The following CSAD variants were observed in gnomAD, a reference collection of about 807,000 sequenced individuals.
The protein encoded by CSAD is P-selectin cytoplasmic tail-associated protein.
Under a neutral mutation model 61.5 loss-of-function variants are expected in CSAD, and 47 were observed. That is an observed-to-expected ratio of 0.76 (90% CI 0.60 to 0.97). CSAD has a LOEUF of 0.97. Among genes scored for constraint, CSAD ranks in the 50% least tolerant of loss-of-function variants. The pLI is 0.00. For missense variants in CSAD, 611 were observed against 643.6 expected (o/e 0.95, Z 0.55); for synonymous variants, 245 against 252.7 (o/e 0.97, Z 0.29).
At position 53,173,724 on chromosome 12, in the gene CSAD, T is replaced by C; in HGVS notation, c.-7+4A>G. 1 of 1,601,880 alleles carries C rather than the reference T, an allele frequency of 6.2e-7. No homozygotes were observed. Among genetic ancestry groups the C allele is most frequent in the Non-Finnish European group, 8.6e-7 (1 of 1,169,318 alleles). On this transcript the variant is annotated splice_donor_region_variant and intron_variant, in intron 3 of 16. Coordinates refer to ENST00000444623, the MANE Select transcript of CSAD (RefSeq NM_001244705.2). ...ATTTCCACCTAAGGCAGAGACAAGC[T>C]TACCTCTCTGCTCAGGAGAGCCGGA...
chr12:53,170,931 G>A (rs1940502116), intron 8 of CSAD: 1 of 389,486 alleles, frequency 2.6e-6, no homozygotes, highest in African/African-American at 2.1e-5. Flanking sequence ...ATGTTTCCCA[G>A]GGTGGTATCA....
At chr12:53,159,585 C>A (rs1367597557) in intron 16 of CSAD, 38 bp downstream of exon 16, 1 of 1,564,038 alleles carries the variant, frequency 6.4e-7, no homozygotes, top group African/African-American at 1.3e-5. Flanking sequence ...GTTGCATCAG[C>A]TCCCTAACGG....
intron 2 of CSAD, among the ~76,000 whole-genome samples, chr12:53,174,493 T>C (rs1940954130): frequency 6.6e-6 from 1 of 151,954 alleles, no homozygotes; most frequent in Admixed American, 6.6e-5. Context: ...AACGGTTCTT[T>C]TTAAACAATA....
In CSAD at chr12:53,173,781, C is replaced by T. The variant is rs1258792207; in HGVS notation, c.-49-11G>A. 2 of 1,613,130 alleles carry T rather than the reference C, an allele frequency of 1.2e-6. No homozygotes were observed. The highest frequency in any genetic ancestry group is 1.7e-6 in the Non-Finnish European group (2 of 1,179,404). ...GTGCACAGGTAGCTCCTCAGGACAG[C>T]AGGACCAAGATGGCAGAGGAAGTGG... On this transcript the variant is annotated splice_polypyrimidine_tract_variant and intron_variant, in intron 2 of 16. Transcript: ENST00000444623.
chr12:53,171,806 C>T (rs1940615365), intron 7 of CSAD, 76 bp downstream of exon 7: 4 of 1,003,106 alleles, frequency 4.0e-6, no homozygotes, highest in Non-Finnish European at 6.2e-6. Context: ...CCCTGCCAGA[C>T]ACTAGAGCAA....
At chr12:53,180,627 T>A (rs1161923258) in intron 1 of CSAD, 105 bp downstream of exon 1, 3 of 1,283,492 alleles carry the variant, frequency 2.3e-6, no homozygotes, top group Non-Finnish European at 2.0e-6. Flanking sequence ...CCCGCTAGTC[T>A]AGCTGCCGAG....
At position 53,170,071 on chromosome 12, in the gene CSAD, C is replaced by T. The variant is rs936169265; in HGVS notation, c.702+1G>A. The T allele has an allele frequency of 1.2e-6, 2 of 1,613,980 alleles. No homozygotes were observed. The highest frequency in any genetic ancestry group is 1.7e-6 in the Non-Finnish European group (2 of 1,179,904). ...CACCCCAGCGAGCCTCACTGACTCACCTCAGCCTCGGCCATACCAATCTGC... is the reference window on the plus strand; with the variant it reads ...CACCCCAGCGAGCCTCACTGACTCATCTCAGCCTCGGCCATACCAATCTGC... On this transcript the variant is annotated splice_donor_variant, in intron 10 of 16. Transcript: ENST00000444623. LOFTEE classifies it high-confidence loss of function.
intron 10 of CSAD, among the ~76,000 whole-genome samples, chr12:53,165,389 G>A (rs1466076501): frequency 4.7e-5 from 7 of 150,328 alleles, no homozygotes; most frequent in African/African-American, 1.2e-4. Context: ...GGCCAGGCGC[G>A]GTGGCTCACG....
intron 10 of CSAD, among the ~76,000 whole-genome samples, chr12:53,163,298 G>T (rs1473555897): frequency 6.6e-6 from 1 of 152,126 alleles, no homozygotes; most frequent in Non-Finnish European, 1.5e-5. Context: ...CTTGAGCCCA[G>T]GTGGTCAAGG....
chr12:53,175,095 G>A (rs1231028360), intron 2 of CSAD, among the ~76,000 whole-genome samples: 1 of 152,142 alleles, frequency 6.6e-6, no homozygotes, highest in Non-Finnish European at 1.5e-5. Context: ...CTGCCCTGTG[G>A]GCTCCAGCTA....
chr12:53,171,062 G>C (rs1440087149), intron 8 of CSAD: 4 of 628,694 alleles, frequency 6.4e-6, no homozygotes, highest in South Asian at 4.6e-5. Flanking sequence ...TACCAATGCT[G>C]CTGGTCCACA....
intron 10 of CSAD, chr12:53,164,442 G>A: frequency 1.1e-5 from 2 of 186,570 alleles, no homozygotes; most frequent in South Asian, 1.9e-4. Flanking sequence ...CAACATGGAT[G>A]CAGCTGGAGG....
chr12:53,175,405 G>A (rs976510932), intron 2 of CSAD, among the ~76,000 whole-genome samples: 5 of 152,120 alleles, frequency 3.3e-5, no homozygotes, highest in African/African-American at 1.2e-4. Flanking sequence ...CTCCTGAAGC[G>A]CTCTCAGCCA....
intron 2 of CSAD, among the ~76,000 whole-genome samples, chr12:53,175,472 G>A (rs776850418): frequency 1.3e-5 from 2 of 152,168 alleles, no homozygotes; most frequent in African/African-American, 2.4e-5. Context: ...ACAAACCCTA[G>A]TGGCTCCACA....
intron 2 of CSAD, among the ~76,000 whole-genome samples, chr12:53,175,013 T>C (rs17124062): frequency 0.028 from 4,223 of 152,202 alleles, 184 homozygotes; most frequent in African/African-American, 0.096. Context: ...ATGGGTTCAG[T>C]TTGTTCAGCA....
chr12:53,177,162 G>A (rs1941169804), intron 2 of CSAD, among the ~76,000 whole-genome samples: 1 of 152,102 alleles, frequency 6.6e-6, no homozygotes, highest in African/African-American at 2.4e-5. Context: ...GAACTCCATA[G>A]TTTTGATACA....
chr12:53,164,010 T>C (rs1309076328), intron 10 of CSAD, among the ~76,000 whole-genome samples: 1 of 152,218 alleles, frequency 6.6e-6, no homozygotes, highest in Admixed American at 6.5e-5. Flanking sequence ...AAAGAAAGAA[T>C]TGTCTTTTCA....
At position 53,168,069 on chromosome 12, in the gene CSAD, C is replaced by T. The variant is rs75326359; in HGVS notation, c.702+2003G>A. Among the ~76,000 whole-genome samples, 781 of 152,268 alleles carry T rather than the reference C, an allele frequency of 5.1e-3. 7 individuals carry two copies. The highest frequency in any genetic ancestry group is 0.018 in the African/African-American group (753 of 41,548). ...ATAAAAGAAGTGAAGGGTTGATACACGCTACAGGTTGGATGAACCTTGAAG... is the reference window on the plus strand; with the variant it reads ...ATAAAAGAAGTGAAGGGTTGATACATGCTACAGGTTGGATGAACCTTGAAG... On this transcript the variant is annotated intron_variant, in intron 10 of 16. Transcript: ENST00000444623.
At chr12:53,176,718 C>CAA (rs879868299) in intron 2 of CSAD, among the ~76,000 whole-genome samples, 1 of 130,562 alleles carries the variant, frequency 7.7e-6, no homozygotes, top group Non-Finnish European at 1.7e-5. Flanking sequence ...GACTCCATCT[C>CAA]AAAAAAAAAA....
Sources: gnomAD v4.1 joint callset for allele counts (sites outside exome capture counted in the v4.1 genomes callset) on GRCh38, gnomAD v4.1.1 for gene constraint, MANE v1.5 for transcripts, NCBI Gene and HGNC (gene_info 2026-07-23, HGNC 2026-07-21) for gene names.